The following PAX8 variants were observed in gnomAD, a reference collection of about 807,000 sequenced individuals.
The protein encoded by PAX8 is paired box 8.
Under a neutral mutation model 52.4 loss-of-function variants are expected in PAX8, and 15 were observed. That is an observed-to-expected ratio of 0.29 (90% CI 0.19 to 0.44). The LOEUF (loss-of-function observed/expected upper bound fraction) is 0.44, where lower values mean the gene tolerates loss of function less well. Ranked by LOEUF, PAX8 falls within the 20% of genes least tolerant of loss-of-function variation. The pLI is 1.00. For missense variants in PAX8, 554 were observed against 602.5 expected, an observed-to-expected ratio of 0.92 and a Z score of 0.84; for synonymous variants, 284 against 249.7, an observed-to-expected ratio of 1.14 and a Z score of -1.29.
At chr2:113,248,990 G>A (rs1055949145) in intron 2 of PAX8, among the ~76,000 whole-genome samples, 2 of 152,150 alleles carry the variant, frequency 1.3e-5, no homozygotes, top group African/African-American at 4.8e-5. Flanking sequence ...AAGGGAGGTG[G>A]GGGTGCTCTA....
At chr2:113,231,110 G>A (rs966501718) in intron 9 of PAX8, among the ~76,000 whole-genome samples, 3 of 152,216 alleles carry the variant, frequency 2.0e-5, no homozygotes, top group African/African-American at 7.2e-5. Flanking sequence ...TTTGAAGTCT[G>A]CCCTCCATGT....
chr2:113,241,958 A>T, intron 6 of PAX8, 50 bp downstream of exon 6: 1 of 1,606,982 alleles, frequency 6.2e-7, no homozygotes, highest in African/African-American at 1.3e-5. Flanking sequence ...TCAAAGCCTG[A>T]GCAAACTGCT....
rs764438925 is a variant in PAX8, at chr2:113,235,475, C to G, written c.1006G>C (p.Gly336Arg). The G allele has an allele frequency of 5.0e-6, 8 of 1,613,276 alleles. No individual in the cohort carries two copies. In the Admixed American group the frequency reaches 1.3e-4, roughly 27 times the overall value. ...GCATTGAAGGGCGGGACCCCGGAGC[C>G]GACTTGCTGCAGATCCAAAAAGGCG... is the stretch of plus-strand genomic sequence containing the variant. Reference protein sequence around the residue: ...SSAFLDLQQVGSGVPPFNAFP... With the variant: ...SSAFLDLQQVRSGVPPFNAFP... The change falls in exon 9 of 12, where the codon GGC becomes CGC. Residue 336 changes from glycine to arginine, a missense_variant. By Grantham distance (125) the Gly-to-Arg change is moderately radical. Around this residue, in one of 2 missense-constraint regions of PAX8, gnomAD observed 445 missense variants for 409.9 expected, o/e 1.09. Transcript: ENST00000429538.
intron 7 of PAX8, chr2:113,238,604 G>C (rs1239278176): frequency 1.3e-5 from 2 of 152,158 alleles, no homozygotes; most frequent in Admixed American, 1.3e-4. Context: ...GGGCTTTTTA[G>C]CTGGAATTGA....
At chr2:113,220,029 C>G (rs1167778056) in intron 11 of PAX8, 63 bp downstream of exon 11, 6 of 1,235,626 alleles carry the variant, frequency 4.9e-6, no homozygotes, top group Admixed American at 1.9e-5. Context: ...TTTGACCCAC[C>G]CTTGCCCCCC....
intron 9 of PAX8, among the ~76,000 whole-genome samples, chr2:113,228,610 G>C (rs1156247806): frequency 6.6e-6 from 1 of 152,226 alleles, no homozygotes; most frequent in Admixed American, 6.5e-5. Context: ...GAGGTAGTAA[G>C]GGCAAAATCG....
chr2:113,224,665 G>A (rs368761508), intron 10 of PAX8, among the ~76,000 whole-genome samples: 6 of 151,802 alleles, frequency 4.0e-5, no homozygotes, highest in African/African-American at 1.2e-4. Flanking sequence ...GCATGGATGC[G>A]TGGAAAAATG....
chr2:113,261,806 C>A (rs1011776969), intron 2 of PAX8, among the ~76,000 whole-genome samples: 7 of 151,866 alleles, frequency 4.6e-5, no homozygotes, highest in Non-Finnish European at 8.8e-5. Context: ...GCAAGTCATG[C>A]CCTGAAAGAT....
intron 2 of PAX8, chr2:113,250,631 C>T (rs1189334817): frequency 1.3e-5 from 2 of 152,204 alleles, no homozygotes; most frequent in African/African-American, 4.8e-5. Context: ...CAGGTGATGG[C>T]TGGTAAATTA....
At chr2:113,256,969 C>G (rs1692311392) in intron 2 of PAX8, among the ~76,000 whole-genome samples, 1 of 152,112 alleles carries the variant, frequency 6.6e-6, no homozygotes, top group Non-Finnish European at 1.5e-5. Context: ...CCACTGAGAC[C>G]CACCATTTCC....
At chr2:113,243,296 A>T (rs1573465990) in intron 4 of PAX8, among the ~76,000 whole-genome samples, 1 of 152,322 alleles carries the variant, frequency 6.6e-6, no homozygotes, top group Non-Finnish European at 1.5e-5. Context: ...AAGATATAAC[A>T]CAGCCCCCAG....
At chr2:113,224,233 A>G (rs6755639) in intron 10 of PAX8, among the ~76,000 whole-genome samples, 84,180 of 151,860 alleles carry the variant, frequency 0.55, 23,934 homozygotes, top group African/African-American at 0.67. Context: ...TAGATAACTG[A>G]AAAGACAGAT....
Position 113,242,139 on chromosome 2 carries a change from G to A in PAX8, c.479-9C>T, listed in dbSNP as rs775469742. 1 of 1,610,340 alleles carries A rather than the reference G, an allele frequency of 6.2e-7. No homozygotes were observed. The highest frequency in any genetic ancestry group is 8.5e-7 in the Non-Finnish European group (1 of 1,177,294). On this transcript the variant is annotated splice_polypyrimidine_tract_variant and intron_variant, in intron 5 of 11. Coordinates refer to ENST00000429538, the MANE Select transcript of PAX8 (RefSeq NM_003466.4). ...TACAGCTGAGCTGGGGACTGCAGTG[G>A]GGGAGAGGGAGAGGGTCAGGGGTGG...
intron 10 of PAX8, among the ~76,000 whole-genome samples, chr2:113,222,280 A>T (rs962266821): frequency 1.7e-4 from 26 of 152,196 alleles, no homozygotes; most frequent in African/African-American, 6.0e-4. Context: ...ACCCTACCCA[A>T]TGGCAAACAC....
intron 2 of PAX8, among the ~76,000 whole-genome samples, chr2:113,256,628 A>ATGTGTG (rs1314974063): frequency 1.5e-5 from 2 of 130,298 alleles, no homozygotes; most frequent in Non-Finnish European, 3.3e-5. Flanking sequence ...ATATATATAT[A>ATGTGTG]TATGTGTGTG....
intron 4 of PAX8, among the ~76,000 whole-genome samples, chr2:113,243,332 A>G (rs1691031091): frequency 6.6e-6 from 1 of 152,188 alleles, no homozygotes; most frequent in Non-Finnish European, 1.5e-5. Context: ...CTCTGCTGAC[A>G]TCTTCAACTT....
At position 113,216,068 on chromosome 2, in the gene PAX8, A is replaced by T. The variant is rs1251100491; in HGVS notation, c.*2465T>A. 3 of 224,406 alleles carry T rather than the reference A, an allele frequency of 1.3e-5. No individual in the cohort carries two copies. The highest frequency in any genetic ancestry group is 2.7e-5 in the Non-Finnish European group (3 of 112,598). The allele number at this position is 224,406 out of a possible 1,614,324, so 13.9% of individuals were successfully genotyped here. A position where few individuals can be genotyped will look rare whatever the true frequency, so the allele number is the denominator to read the frequency against. On this transcript the variant is annotated 3_prime_UTR_variant, in exon 12 of 12. Coordinates refer to ENST00000429538, the MANE Select transcript of PAX8 (RefSeq NM_003466.4). ...TGGAAAGGGTCTGCCGGGGGTACAG[A>T]GTGTCCCCAGAGGGGCTGTGGCTGT...
intron 9 of PAX8, among the ~76,000 whole-genome samples, chr2:113,230,061 T>C (rs1430696888): frequency 6.6e-6 from 1 of 152,192 alleles, no homozygotes; most frequent in Non-Finnish European, 1.5e-5. Context: ...TTTCAGCTTG[T>C]AAACTGGATT....
chr2:113,274,319 G>A (rs887501096), intron 2 of PAX8: 2 of 151,994 alleles, frequency 1.3e-5, no homozygotes, highest in African/African-American at 2.4e-5. Context: ...TTTTTTTAAG[G>A]GGTAGAAAAC....
Sources: allele counts gnomAD v4.1 joint callset (sites outside exome capture counted in the v4.1 genomes callset), GRCh38; gene constraint gnomAD v4.1.1; regional missense constraint gnomAD v4.1.1; transcripts MANE v1.5; gene names NCBI Gene and HGNC (gene_info 2026-07-23, HGNC 2026-07-21).